Variants in SNIP1 observed in about 807,000 individuals in gnomAD.
The protein encoded by SNIP1 is Smad nuclear interacting protein 1.
In SNIP1, 23 loss-of-function variants were observed where a neutral mutation model predicts 37.4. The ratio of observed to expected loss-of-function variants is 0.61; its 90% CI spans 0.44 to 0.87. The LOEUF is 0.87. Ranked by LOEUF, SNIP1 falls within the 40% of genes least tolerant of loss-of-function variation. The probability of loss-of-function intolerance (pLI) is 0.00; values close to 1 mark genes in which losing one functional copy is unlikely to be tolerated. For synonymous variants in SNIP1, 174 were observed against 200.0 expected, an observed-to-expected ratio of 0.87 and a Z score of 1.10; for missense variants, 459 against 540.4, an observed-to-expected ratio of 0.85 and a Z score of 1.49.
rs1370915812 is a variant in SNIP1, at chr1:37,536,555, T to C, written c.*1193A>G. ...TGAAATGGGGCTATATTTACAAATT[T>C]TATTTTTTTATCCCAAAAATACATA... On this transcript the variant is annotated 3_prime_UTR_variant, in exon 4 of 4. Coordinates refer to ENST00000296215, the MANE Select transcript of SNIP1 (RefSeq NM_024700.4). 1 of 152,508 alleles carries C rather than the reference T, an allele frequency of 6.6e-6. No homozygotes were observed. 9.4% of individuals were successfully genotyped at this position (152,508 alleles called of 1,614,324 possible).
intron 2 of SNIP1, among the ~76,000 whole-genome samples, chr1:37,549,708 G>C (rs1344109206): frequency 6.6e-6 from 1 of 152,090 alleles, no homozygotes; most frequent in South Asian, 2.1e-4. Flanking sequence ...CGCTGTGACC[G>C]GCCCAGACTT....
Position 37,537,725 on chromosome 1 carries a change from C to A in SNIP1, c.*23G>T. ...GACTTCCAAGAAGGAAACCGTGTAT[C>A]AATAGTTTGGGTTCTTAGTTTGCTA... On this transcript the variant is annotated 3_prime_UTR_variant, in exon 4 of 4. Transcript: ENST00000296215. 6.2e-7 allele frequency: 1 copy of A among 1,603,254 alleles called. No individual in the cohort carries two copies. Among genetic ancestry groups the A allele is most frequent in the Non-Finnish European group, 8.5e-7 (1 of 1,174,448 alleles).
At chr1:37,539,938 G>C (rs1022294840) in intron 3 of SNIP1, among the ~76,000 whole-genome samples, 23 of 152,158 alleles carry the variant, frequency 1.5e-4, no homozygotes, top group African/African-American at 5.1e-4. Context: ...GGGTGACAGA[G>C]TGAGACCTTG....
chr1:37,546,145 A>ACCCCCCCCCCCC (rs34099617), intron 2 of SNIP1, among the ~76,000 whole-genome samples: 7 of 124,922 alleles, frequency 5.6e-5, no homozygotes, highest in African/African-American at 2.1e-4. Context: ...TGGGACTAAG[A>ACCCCCCCCCCCC]CCCCCCCCCC....
In SNIP1 at chr1:37,537,972, T is replaced by C; in HGVS notation, c.967A>G (p.Arg323Gly). Residue 323 changes from arginine (R) to glycine (G), a missense_variant, in exon 4 of 4, where the codon AGA becomes GGA. Coordinates refer to ENST00000296215, the MANE Select transcript of SNIP1 (RefSeq NM_024700.4). ...AGGTCAATGATGTAGGGCTTCACTC[T>C]TCGGCCAACTGTGCCATCAGCACGG... ...YTRADGTVGR[R>G]VKPYIIDLGS... 2 of 1,613,930 alleles carry C rather than the reference T, an allele frequency of 1.2e-6. No homozygotes were observed. The highest frequency in any genetic ancestry group is 1.7e-6 in the Non-Finnish European group (2 of 1,179,928).
intron 2 of SNIP1, among the ~76,000 whole-genome samples, chr1:37,544,446 CAAAAAAAA>C: frequency 2.1e-5 from 2 of 94,200 alleles, no homozygotes; most frequent in East Asian, 2.8e-4. Context: ...GACTCTGTCT[CAAAAAAAA>C]AAAAAAAAAA....
Position 37,540,101 on chromosome 1 carries a change from C to T in SNIP1, c.926+56G>A. 6.9e-7 allele frequency: 1 copy of T among 1,454,068 alleles called. No homozygotes were observed. Among genetic ancestry groups the T allele is most frequent in the Non-Finnish European group, 9.3e-7 (1 of 1,073,074 alleles). The allele number at this position is 1,454,068 out of a possible 1,614,324, so 90.1% of individuals were successfully genotyped here. A position where few individuals can be genotyped will look rare whatever the true frequency, so the allele number is the denominator to read the frequency against. On this transcript the variant is annotated intron_variant, in intron 3 of 3. Transcript: ENST00000296215. The surrounding 1 kb of genome is among the most constrained non-coding windows in gnomAD (Gnocchi z 5.6). ...AAACATGAACAAAAATCTTAGTAAT[C>T]CTAACTGAGTGATTGTTTCTGCTCA...
chr1:37,536,337 C>A lies in SNIP1; in HGVS notation c.*1411G>T, dbSNP rs1040895267. ...TAGTAACACTGATTGAGCTGCTTCA[C>A]CACCTTTCCCCACAACCCACCTCCA... is the stretch of plus-strand genomic sequence containing the variant. On this transcript the variant is annotated 3_prime_UTR_variant, in exon 4 of 4. Transcript: ENST00000296215. 1.3e-5 allele frequency: 2 copies of A among 152,318 alleles called. No homozygotes were observed. The highest frequency in any genetic ancestry group is 3.9e-4 in the East Asian group (2 of 5,182). 9.4% of individuals were successfully genotyped at this position (152,318 alleles called of 1,614,324 possible).
chr1:37,540,147 T>C lies in SNIP1; in HGVS notation c.926+10A>G. The C allele has an allele frequency of 1.3e-6, 2 of 1,563,768 alleles. No individual in the cohort carries two copies. The highest frequency in any genetic ancestry group is 1.2e-5 in the South Asian group (1 of 85,808). On this transcript the variant is annotated intron_variant, in intron 3 of 3. Transcript: ENST00000296215. This position sits in a 1 kb window ranked among gnomAD's most constrained non-coding sequence, Gnocchi z 5.6. ...GCTCACATTACAGTTTCTTCCTCCA[T>C]GTTACTTACCGATATTGAAAGACCG... is the stretch of plus-strand genomic sequence containing the variant.
chr1:37,538,119 T>G (rs1203870392), intron 3 of SNIP1, 107 bp from the exon 4 acceptor site: 1 of 1,285,682 alleles, frequency 7.8e-7, no homozygotes, highest in Non-Finnish European at 1.0e-6. Context: ...TAACCTGGCT[T>G]GAGCACAATT....
chr1:37,552,544 G>T, intron 2 of SNIP1, 101 bp downstream of exon 2: 1 of 970,836 alleles, frequency 1.0e-6, no homozygotes, highest in Non-Finnish European at 1.7e-6. Flanking sequence ...GAGCGTACGT[G>T]CACATGTGTG....
At chr1:37,547,778 A>C (rs2148116090) in intron 2 of SNIP1, among the ~76,000 whole-genome samples, 1 of 151,960 alleles carries the variant, frequency 6.6e-6, no homozygotes, top group East Asian at 1.9e-4. Context: ...ATGGTGGTTC[A>C]GAGGTTGAGA....
rs1367372497 is a variant in SNIP1, at chr1:37,534,844, G to C, written c.*2904C>G. ...CAAAGGGCTGTTTTGAAAATAGTTT[G>C]ATTTTGACACAATGATTTGCAGACA... On this transcript the variant is annotated 3_prime_UTR_variant, in exon 4 of 4. Coordinates refer to ENST00000296215, the MANE Select transcript of SNIP1 (RefSeq NM_024700.4). 2.0e-5 allele frequency: 3 copies of C among 152,120 alleles called. No homozygotes were observed. Among genetic ancestry groups the C allele is most frequent in the Admixed American group, 6.6e-5 (1 of 15,238 alleles). 9.4% of individuals were successfully genotyped at this position (152,120 alleles called of 1,614,324 possible).
rs563866332 is a variant in SNIP1, at chr1:37,537,113, G to A, written c.*635C>T. ...GTAGCAACCAGGATCCTTCTGTACA[G>A]TCACGGGCTTGAGCAGGTGCCATAA... is the stretch of plus-strand genomic sequence containing the variant. On this transcript the variant is annotated 3_prime_UTR_variant, in exon 4 of 4. Coordinates refer to ENST00000296215, the MANE Select transcript of SNIP1 (RefSeq NM_024700.4). 1.3e-5 allele frequency: 2 copies of A among 152,748 alleles called. No homozygotes were observed. The highest frequency in any genetic ancestry group is 4.8e-5 in the African/African-American group (2 of 41,582). The allele number at this position is 152,748 out of a possible 1,614,324, so 9.5% of individuals were successfully genotyped here.
rs1301966534 is a variant in SNIP1 at position 37,540,210 on chromosome 1, G to A, written c.873C>T (p.Asp291=). Residue 291 remains aspartate, a synonymous_variant, in exon 3 of 4, where the codon GAC becomes GAT. Coordinates refer to ENST00000296215, the MANE Select transcript of SNIP1 (RefSeq NM_024700.4). The surrounding 1 kb of genome is among the most constrained non-coding windows in gnomAD (Gnocchi z 5.6). ...YLLGRHRRIA[D]IPIDHPSCSK... The stretch of plus-strand genomic sequence containing the variant: ...AACAAGACGGGTGATCAATTGGAAT[G>A]TCTGCAATGCGGCGGTGTCGACCCA... 6.2e-7 allele frequency: 1 copy of A among 1,609,244 alleles called. No individual in the cohort carries two copies. Among genetic ancestry groups the A allele is most frequent in the Admixed American group, 1.7e-5 (1 of 59,828 alleles).
At chr1:37,547,485 G>C (rs1310411401) in intron 2 of SNIP1, among the ~76,000 whole-genome samples, 1 of 152,134 alleles carries the variant, frequency 6.6e-6, no homozygotes, top group East Asian at 1.9e-4. Context: ...TGTAATCCCA[G>C]CACTTTGGGA....
Position 37,540,500 on chromosome 1 carries a change from C to G in SNIP1, c.583G>C (p.Val195Leu). The G allele has an allele frequency of 6.2e-7, 1 of 1,614,160 alleles. No homozygotes were observed. The highest frequency in any genetic ancestry group is 8.5e-7 in the Non-Finnish European group (1 of 1,180,022). Reference protein sequence around the residue: ...RRREHRQRNDVGGGGSESQEL... With the variant: ...RRREHRQRNDLGGGGSESQEL... ...TGAGACTCACTGCCGCCACCACCAA[C>G]GTCATTCCTCTGGCGATGCTCCCGT... Residue 195 changes from valine to leucine, a missense_variant, in exon 3 of 4, where the codon GTT becomes CTT. Val to Leu is a conservative substitution (Grantham distance 32, BLOSUM62 1). Transcript: ENST00000296215. This position sits in a 1 kb window ranked among gnomAD's most constrained non-coding sequence, Gnocchi z 5.6.
At position 37,537,954 on chromosome 1, in the gene SNIP1, T is replaced by C. The variant is rs1643119363; in HGVS notation, c.985A>G (p.Ile329Val). Reference sequence around the variant, plus strand: ...GTTCCATTGCCTGAGCCAAGGTCAATGATGTAGGGCTTCACTCTTCGGCCA... The same window carrying C: ...GTTCCATTGCCTGAGCCAAGGTCAACGATGTAGGGCTTCACTCTTCGGCCA... ...TVGRRVKPYI[I>V]DLGSGNGTFL... Residue 329 changes from isoleucine (I) to valine (V), a missense_variant, in exon 4 of 4, where the codon ATT becomes GTT. Ile to Val is a conservative substitution (Grantham distance 29, BLOSUM62 3). Coordinates refer to ENST00000296215, the MANE Select transcript of SNIP1 (RefSeq NM_024700.4). 1.2e-6 allele frequency: 2 copies of C among 1,614,184 alleles called. No homozygotes were observed. Among genetic ancestry groups the C allele is most frequent in the Non-Finnish European group, 1.7e-6 (2 of 1,180,028 alleles).
chr1:37,543,980 T>G (rs1380213373), intron 2 of SNIP1, among the ~76,000 whole-genome samples: 1 of 151,706 alleles, frequency 6.6e-6, no homozygotes, highest in Non-Finnish European at 1.5e-5. Flanking sequence ...AAACCGTCTC[T>G]ACTAAAAATG....
Sources: allele counts gnomAD v4.1 joint callset (sites outside exome capture counted in the v4.1 genomes callset), GRCh38; gene constraint gnomAD v4.1.1; non-coding constraint Gnocchi (gnomAD v3.1); transcripts MANE v1.5; gene names NCBI Gene and HGNC (gene_info 2026-07-23, HGNC 2026-07-21).